GPHN: variants seen among roughly 807,000 people sequenced by gnomAD.
The protein encoded by GPHN is gephyrin.
GPHN carries 17 observed loss-of-function variants against 95.5 expected under a neutral mutation model. That is an observed-to-expected ratio of 0.18 (90% CI 0.12 to 0.27). The LOEUF is 0.27. Among genes scored for constraint, GPHN ranks in the 10% least tolerant of loss-of-function variants. The probability of loss-of-function intolerance (pLI) is 1.00; values close to 1 mark genes in which losing one functional copy is unlikely to be tolerated. For synonymous variants in GPHN, 320 were observed against 322.5 expected, an observed-to-expected ratio of 0.99 and a Z score of 0.08; for missense variants, 660 against 978.1, an observed-to-expected ratio of 0.67 and a Z score of 4.34.
At chr14:67,699,908 G>A in the GPHN span, among the ~76,000 whole-genome samples, 5 of 152,138 alleles carry the variant, frequency 3.3e-5, no homozygotes, top group African/African-American at 1.2e-4. Context: ...TTGGGAGGCC[G>A]AGGTGGGCGG....
the GPHN span, among the ~76,000 whole-genome samples, chr14:67,535,689 C>T: frequency 1.3e-5 from 2 of 152,198 alleles, no homozygotes; most frequent in East Asian, 1.9e-4. Flanking sequence ...CTCGTGAGCA[C>T]ATCTTTGGGC....
the GPHN span, chr14:67,301,524 A>T: frequency 7.8e-7 from 1 of 1,278,060 alleles, no homozygotes; most frequent in East Asian, 2.4e-5. Context: ...CTATTTTTTT[A>T]AATCAAAGAC....
the GPHN span, among the ~76,000 whole-genome samples, chr14:67,219,722 AT>A: frequency 1.3e-5 from 2 of 152,208 alleles, no homozygotes; most frequent in African/African-American, 2.4e-5. Context: ...GCTATAAAAG[AT>A]CTTGAGAATT....
intron 5 of GPHN, among the ~76,000 whole-genome samples, chr14:66,901,739 G>A (rs2065138296): frequency 1.3e-5 from 2 of 151,890 alleles, no homozygotes; most frequent in South Asian, 4.2e-4. Context: ...TCGCATATCT[G>A]TTTGGTGTCA....
At chr14:67,150,673 G>A (rs2153710646) in intron 18 of GPHN, among the ~76,000 whole-genome samples, 1 of 152,068 alleles carries the variant, frequency 6.6e-6, no homozygotes, top group South Asian at 2.1e-4. Flanking sequence ...GAACATGGCT[G>A]AGGTTTTTTT....
the GPHN span, chr14:67,722,339 G>T: frequency 2.0e-6 from 1 of 497,012 alleles, no homozygotes; most frequent in Non-Finnish European, 3.7e-6. Context: ...GGGGTTTAGG[G>T]GGTACTTGCT....
intron 1 of GPHN, among the ~76,000 whole-genome samples, chr14:66,599,392 A>ATTTTTTTTTTTTTTTTTTTTTTTTTT (rs765267813): frequency 1.7e-4 from 13 of 76,504 alleles, no homozygotes; most frequent in African/African-American, 4.3e-4. Context: ...TTTTTTTTGC[A>ATTTTTTTTTTTTTTTTTTTTTTTTTT]TTTTTTTTTT....
At chr14:67,382,730 G>T in the GPHN span, 10 of 894,290 alleles carry the variant, frequency 1.1e-5, no homozygotes, top group Non-Finnish European at 1.6e-5. Flanking sequence ...TGGTGTTAGG[G>T]TCACCCCCCG....
the GPHN span, among the ~76,000 whole-genome samples, chr14:67,502,277 G>A: frequency 6.6e-6 from 1 of 151,792 alleles, no homozygotes; most frequent in South Asian, 2.1e-4. Context: ...GTTGCAGTGA[G>A]CCGAGATCGT....
chr14:66,757,334 A>C (rs924331700), intron 2 of GPHN, among the ~76,000 whole-genome samples: 1 of 140,034 alleles, frequency 7.1e-6, no homozygotes, highest in Non-Finnish European at 1.5e-5. Context: ...AGGGATATAT[A>C]TATATATACA....
the GPHN span, among the ~76,000 whole-genome samples, chr14:67,369,484 A>G: frequency 5.0e-3 from 761 of 152,380 alleles, 7 homozygotes; most frequent in African/African-American, 0.018. Context: ...CTTGTTTGAT[A>G]CCTAGAACAC....
intron 8 of GPHN, among the ~76,000 whole-genome samples, chr14:66,960,554 G>A (rs1176688158): frequency 6.6e-6 from 1 of 151,908 alleles, no homozygotes; most frequent in Non-Finnish European, 1.5e-5. Flanking sequence ...CTAGTGATTT[G>A]ACAGGTATTT....
At chr14:67,187,543 G>T in the GPHN span, among the ~76,000 whole-genome samples, 1 of 152,142 alleles carries the variant, frequency 6.6e-6, no homozygotes, top group African/African-American at 2.4e-5. Context: ...TCTGCTCTCA[G>T]AATGATCAAT....
the GPHN span, among the ~76,000 whole-genome samples, chr14:67,219,332 G>GTGA: frequency 6.6e-6 from 1 of 152,158 alleles, no homozygotes; most frequent in South Asian, 2.1e-4. Context: ...GTCCACATGG[G>GTGA]TGATATAGGT....
In GPHN at chr14:67,113,993, T is replaced by C. The variant is rs539328389; in HGVS notation, c.1626+822T>C. 1.6e-4 allele frequency among the ~76,000 whole-genome samples: 24 copies of C among 152,322 alleles called. No homozygotes were observed. The East Asian group carries it at 4.6e-3, about 29-fold the overall frequency. On this transcript the variant is annotated intron_variant, in intron 16 of 22. Transcript: ENST00000478722. ...AGATTAGCGGGATTTTTTAAAAATC[T>C]CTTTGTTCTGAAAATAAACCCATCA...
At chr14:66,614,345 C>G (rs1167487572) in intron 1 of GPHN, among the ~76,000 whole-genome samples, 1 of 152,084 alleles carries the variant, frequency 6.6e-6, no homozygotes, top group Non-Finnish European at 1.5e-5. Context: ...TACTCCAAAG[C>G]CAGTGCTCTT....
chr14:67,562,221 T>A, the GPHN span: 1 of 1,612,044 alleles, frequency 6.2e-7, no homozygotes, highest in African/African-American at 1.3e-5. Flanking sequence ...GAGCCGGGAA[T>A]CCAGCCTATG....
chr14:67,347,568 C>T, the GPHN span: 16 of 831,158 alleles, frequency 1.9e-5, no homozygotes, highest in Non-Finnish European at 2.5e-5. Flanking sequence ...ATGGCGTGAT[C>T]TCGCCTCACC....
chr14:67,535,622 C>T, the GPHN span, among the ~76,000 whole-genome samples: 4 of 152,084 alleles, frequency 2.6e-5, no homozygotes, highest in African/African-American at 4.8e-5. Flanking sequence ...TCAGGTAAGC[C>T]GCCTGCCTCC....
Sources: allele counts gnomAD v4.1 joint callset (sites outside exome capture counted in the v4.1 genomes callset), GRCh38; gene constraint gnomAD v4.1.1; transcripts MANE v1.5; gene names NCBI Gene and HGNC (gene_info 2026-07-23, HGNC 2026-07-21).